Variants in ANO3 observed in about 807,000 individuals in gnomAD.
ANO3 encodes the protein anoctamin-3.
Under a neutral mutation model 144.8 loss-of-function variants are expected in ANO3, and 99 were observed. That is an observed-to-expected ratio of 0.68 (90% CI 0.58 to 0.81). ANO3 has a LOEUF of 0.81. ANO3 is among the 30% of genes least tolerant of loss of function. The pLI, the probability that ANO3 is intolerant of heterozygous loss-of-function variation, is 0.00. For missense variants in ANO3, 905 were observed against 1,202.2 expected, an observed-to-expected ratio of 0.75 and a Z score of 3.66; for synonymous variants, 414 against 392.6, an observed-to-expected ratio of 1.05 and a Z score of -0.64.
At chr11:26,564,572 A>T (rs1402169520) in intron 14 of ANO3, among the ~76,000 whole-genome samples, 1 of 149,442 alleles carries the variant, frequency 6.7e-6, no homozygotes, top group Non-Finnish European at 1.5e-5. Context: ...GATTGACATA[A>T]TCCTTAAATG....
chr11:26,363,189 C>A (rs903731094), intron 1 of ANO3, among the ~76,000 whole-genome samples: 1 of 152,162 alleles, frequency 6.6e-6, no homozygotes, highest in Non-Finnish European at 1.5e-5. Flanking sequence ...AGATTAAATA[C>A]CTTCCCATAA....
chr11:26,313,260 A>G (rs946425762), intron 1 of ANO3, among the ~76,000 whole-genome samples: 2 of 152,180 alleles, frequency 1.3e-5, no homozygotes, highest in Admixed American at 6.5e-5. Flanking sequence ...CTTTTTTGTA[A>G]CAGACACTGA....
chr11:26,197,286 A>G (rs911815997), intron 1 of ANO3, among the ~76,000 whole-genome samples: 4 of 152,226 alleles, frequency 2.6e-5, no homozygotes, highest in African/African-American at 9.6e-5. Flanking sequence ...AAGGTTCGCA[A>G]TAGAAAACAC....
intron 14 of ANO3, among the ~76,000 whole-genome samples, chr11:26,571,023 C>A (rs558224615): frequency 6.6e-6 from 1 of 151,840 alleles, no homozygotes; most frequent in Non-Finnish European, 1.5e-5. Flanking sequence ...AAGAAAAAAA[C>A]AAATTTCAGA....
intron 1 of ANO3, among the ~76,000 whole-genome samples, chr11:26,430,936 G>T (rs1196588176): frequency 6.6e-6 from 1 of 152,146 alleles, no homozygotes; most frequent in Non-Finnish European, 1.5e-5. Flanking sequence ...GTTCATAGGA[G>T]AATCTACCAA....
chr11:26,369,505 AT>A (rs1320047725), intron 1 of ANO3, among the ~76,000 whole-genome samples: 7 of 152,074 alleles, frequency 4.6e-5, no homozygotes, highest in Admixed American at 4.6e-4. Context: ...TATAAAGCTA[AT>A]TTTTAAATAT....
chr11:26,402,971 A>T (rs1004351993), intron 1 of ANO3, among the ~76,000 whole-genome samples: 3 of 151,984 alleles, frequency 2.0e-5, no homozygotes, highest in African/African-American at 4.8e-5. Flanking sequence ...ATTGTTTGAT[A>T]TGTCTCTCAG....
intron 1 of ANO3, among the ~76,000 whole-genome samples, chr11:26,250,959 G>T (rs1187535074): frequency 6.6e-6 from 1 of 152,120 alleles, no homozygotes; most frequent in Admixed American, 6.5e-5. Context: ...TAGCAACATA[G>T]CACACTGTAG....
intron 1 of ANO3, among the ~76,000 whole-genome samples, chr11:26,338,520 A>C (rs1176241613): frequency 6.6e-6 from 1 of 152,226 alleles, no homozygotes; most frequent in African/African-American, 2.4e-5. Context: ...TGGCCACCCC[A>C]GCCAGCAGCA....
chr11:26,641,864 C>T (rs1348765518), intron 21 of ANO3, 32 bp from the exon 22 acceptor site: 1 of 1,605,894 alleles, frequency 6.2e-7, no homozygotes, highest in Non-Finnish European at 8.5e-7. Context: ...TGAATCAGAG[C>T]TCAAAAGTCC....
intron 14 of ANO3, chr11:26,565,747 C>T (rs1850551104): frequency 1.9e-6 from 3 of 1,613,200 alleles, no homozygotes; most frequent in African/African-American, 2.7e-5. Context: ...GTTTTAAAAA[C>T]TTCTGCAATG....
chr11:26,223,774 T>C (rs550949138), intron 1 of ANO3, among the ~76,000 whole-genome samples: 1 of 151,348 alleles, frequency 6.6e-6, no homozygotes, highest in South Asian at 2.1e-4. Flanking sequence ...GGAGCAGCAA[T>C]ATTCATGGCT....
upstream of ANO3, among the ~76,000 whole-genome samples, chr11:26,330,529 A>G (rs1188449520): frequency 1.3e-5 from 2 of 152,134 alleles, no homozygotes. Context: ...AAGGTAGCAC[A>G]TTGTTTGCTC....
chr11:26,539,137 C>T (rs1183974161), intron 10 of ANO3, among the ~76,000 whole-genome samples: 4 of 904 alleles, frequency 4.4e-3, no homozygotes, highest in African/African-American at 5.0e-3. Context: ...GAGAAATACA[C>T]ACACACACAC....
intron 26 of ANO3, 55 bp from the exon 27 acceptor site, chr11:26,660,207 A>C: frequency 6.6e-7 from 1 of 1,508,762 alleles, no homozygotes; most frequent in South Asian, 1.1e-5. Flanking sequence ...GTACTGTTTT[A>C]TAATTAGCAT....
chr11:26,215,609 G>A (rs1188337708), intron 1 of ANO3, among the ~76,000 whole-genome samples: 4 of 152,060 alleles, frequency 2.6e-5, no homozygotes, highest in Admixed American at 2.6e-4. Flanking sequence ...CCAAGATCTA[G>A]GTATTAAGTA....
At chr11:26,485,752 A>G (rs2134096380) in intron 4 of ANO3, among the ~76,000 whole-genome samples, 2 of 152,314 alleles carry the variant, frequency 1.3e-5, no homozygotes, top group Admixed American at 1.3e-4. Context: ...TGAATGTACT[A>G]GAAAAAAACC....
chr11:26,312,934 A>G (rs1854534723), intron 1 of ANO3, among the ~76,000 whole-genome samples: 1 of 152,212 alleles, frequency 6.6e-6, no homozygotes. Flanking sequence ...AATATCATGT[A>G]AATATACTAT....
intron 1 of ANO3, among the ~76,000 whole-genome samples, chr11:26,386,379 A>T (rs1345520309): frequency 1.3e-5 from 2 of 152,116 alleles, no homozygotes; most frequent in Admixed American, 1.3e-4. Flanking sequence ...AGTGCTTGTT[A>T]GTTAATGTGG....
Sources: gnomAD v4.1 joint callset for allele counts (sites outside exome capture counted in the v4.1 genomes callset) on GRCh38, gnomAD v4.1.1 for gene constraint, MANE v1.5 for transcripts, NCBI Gene and HGNC (gene_info 2026-07-23, HGNC 2026-07-21) for gene names.